The following CTNNA2 variants were observed in gnomAD, a reference collection of about 807,000 sequenced individuals.
CTNNA2 encodes the protein catenin alpha 2, also known as catenin alpha-2.
A neutral mutation model predicts 101.0 loss-of-function variants in CTNNA2; 42 were observed. The observed-to-expected ratio is 0.42, with a 90% CI of 0.32 to 0.54. The LOEUF (loss-of-function observed/expected upper bound fraction) is 0.54. CTNNA2 is among the 20% of genes least tolerant of loss of function. CTNNA2 has a pLI of 0.14. For synonymous variants in CTNNA2, 450 were observed against 456.4 expected, an observed-to-expected ratio of 0.99 and a Z score of 0.18; for missense variants, 871 against 1,223.1, an observed-to-expected ratio of 0.71 and a Z score of 4.29.
At chr2:79,829,743 G>T (rs1021389855) in intron 3 of CTNNA2, among the ~76,000 whole-genome samples, 1 of 143,314 alleles carries the variant, frequency 7.0e-6, no homozygotes. Flanking sequence ...TTTTTGAGAC[G>T]GAGTCTCGCT....
intron 7 of CTNNA2, among the ~76,000 whole-genome samples, chr2:80,115,334 A>G (rs1028657314): frequency 6.6e-6 from 1 of 152,192 alleles, no homozygotes; most frequent in Non-Finnish European, 1.5e-5. Context: ...TTTAACAGAC[A>G]TGGTATACAC....
At chr2:79,987,773 T>C (rs1691870213) in intron 7 of CTNNA2, among the ~76,000 whole-genome samples, 1 of 152,212 alleles carries the variant, frequency 6.6e-6, no homozygotes, top group Non-Finnish European at 1.5e-5. Context: ...GGCTAAAAGC[T>C]ATATGCACCC....
chr2:80,166,163 G>T (rs1317827138), intron 7 of CTNNA2, among the ~76,000 whole-genome samples: 1 of 152,094 alleles, frequency 6.6e-6, no homozygotes, highest in Non-Finnish European at 1.5e-5. Context: ...GGAGTGAGAG[G>T]ATCATGTTTT....
chr2:80,396,972 T>C (rs1246596347), intron 8 of CTNNA2, among the ~76,000 whole-genome samples: 1 of 152,210 alleles, frequency 6.6e-6, no homozygotes, highest in Non-Finnish European at 1.5e-5. Flanking sequence ...TGCATTAGGG[T>C]GAGTACTTAG....
At chr2:79,763,571 T>G (rs76820420) in intron 3 of CTNNA2, among the ~76,000 whole-genome samples, 2,397 of 152,354 alleles carry the variant, frequency 0.016, 49 homozygotes, top group African/African-American at 0.053. Flanking sequence ...ACTAAACTAC[T>G]TATTATTTCT....
chr2:80,534,988 A>C (rs986826635), intron 9 of CTNNA2, among the ~76,000 whole-genome samples: 3 of 152,238 alleles, frequency 2.0e-5, no homozygotes, highest in Non-Finnish European at 4.4e-5. Flanking sequence ...TAATTAAAAA[A>C]TATTGGTTAG....
chr2:80,246,083 C>T (rs1671310320), intron 7 of CTNNA2, among the ~76,000 whole-genome samples: 1 of 152,048 alleles, frequency 6.6e-6, no homozygotes, highest in Non-Finnish European at 1.5e-5. Flanking sequence ...CGAGATCCAC[C>T]ATGCTTGGCC....
At chr2:80,255,968 G>A (rs754882254) in intron 7 of CTNNA2, among the ~76,000 whole-genome samples, 4 of 152,186 alleles carry the variant, frequency 2.6e-5, no homozygotes, top group South Asian at 2.1e-4. Context: ...CTGCTTATGC[G>A]AACTTTTTAA....
At chr2:80,240,898 CT>C (rs1460975256) in intron 7 of CTNNA2, among the ~76,000 whole-genome samples, 2 of 152,046 alleles carry the variant, frequency 1.3e-5, no homozygotes, top group Non-Finnish European at 2.9e-5. Context: ...GGAATTTGCC[CT>C]TTACTTTACA....
At chr2:80,375,619 C>T (rs1009706214) in intron 7 of CTNNA2, among the ~76,000 whole-genome samples, 2 of 131,334 alleles carry the variant, frequency 1.5e-5, no homozygotes, top group African/African-American at 6.2e-5. Context: ...GGCTGGAGTG[C>T]AGTGGCGTGA....
intron 4 of CTNNA2, among the ~76,000 whole-genome samples, chr2:79,399,688 C>T (rs189104857): frequency 6.6e-6 from 1 of 151,644 alleles, no homozygotes; most frequent in African/African-American, 2.4e-5. Flanking sequence ...GTCCAGTTTT[C>T]AATAATAAAG....
At chr2:80,264,376 C>T (rs1672848817) in intron 7 of CTNNA2, among the ~76,000 whole-genome samples, 1 of 152,142 alleles carries the variant, frequency 6.6e-6, no homozygotes, top group Non-Finnish European at 1.5e-5. Flanking sequence ...TCAGACTCAA[C>T]AGTATCAATA....
At chr2:79,506,422 G>A (rs1047719523) in intron 5 of CTNNA2, among the ~76,000 whole-genome samples, 1 of 152,078 alleles carries the variant, frequency 6.6e-6, no homozygotes, top group African/African-American at 2.4e-5. Context: ...CAGAGTGCTG[G>A]GAAGAGCAGT....
At chr2:80,550,968 T>C (rs572275389) in intron 11 of CTNNA2, among the ~76,000 whole-genome samples, 12 of 152,302 alleles carry the variant, frequency 7.9e-5, no homozygotes, top group African/African-American at 1.4e-4. Context: ...AGAATCACTA[T>C]CTATTGCAGC....
intron 4 of CTNNA2, among the ~76,000 whole-genome samples, chr2:79,463,231 G>A (rs1425417951): frequency 1.2e-4 from 19 of 152,002 alleles, no homozygotes; most frequent in Non-Finnish European, 1.5e-5. Flanking sequence ...GGCCAACATG[G>A]TGAAACCCTG....
chr2:79,661,943 A>T (rs960334795), intron 2 of CTNNA2, among the ~76,000 whole-genome samples: 2 of 151,976 alleles, frequency 1.3e-5, no homozygotes, highest in Non-Finnish European at 2.9e-5. Flanking sequence ...GTGGACTGAA[A>T]ATACTGAAAT....
At chr2:80,348,041 G>C (rs937705262) in intron 7 of CTNNA2, among the ~76,000 whole-genome samples, 3 of 152,028 alleles carry the variant, frequency 2.0e-5, no homozygotes, top group African/African-American at 7.2e-5. Flanking sequence ...AGGTACAACA[G>C]AGTTTGAGAG....
chr2:80,313,595 G>A (rs1313929446), intron 7 of CTNNA2: 1 of 1,611,490 alleles, frequency 6.2e-7, no homozygotes, highest in Non-Finnish European at 8.5e-7. Flanking sequence ...CCAGTCAGTA[G>A]GCAAAGTCTG....
At position 80,200,051 on chromosome 2, in the gene CTNNA2, C is replaced by T. The variant is rs138168103; in HGVS notation, c.1057-193160C>T. Among the ~76,000 whole-genome samples the T allele has an allele frequency of 2.5e-4, 38 of 152,306 alleles. No individual in the cohort carries two copies. In the East Asian group the frequency reaches 7.1e-3, roughly 29 times the overall value. On this transcript the variant is annotated intron_variant, in intron 7 of 18. Transcript: ENST00000402739. Reference sequence around the variant, plus strand: ...AGATACTTGGAGACATTTGAAACAACTCGACAGCCAGTTCACTATCCTTGG... The same window carrying T: ...AGATACTTGGAGACATTTGAAACAATTCGACAGCCAGTTCACTATCCTTGG...
Sources: gnomAD v4.1 joint callset for allele counts (sites outside exome capture counted in the v4.1 genomes callset) on GRCh38, gnomAD v4.1.1 for gene constraint, MANE v1.5 for transcripts, NCBI Gene and HGNC (gene_info 2026-07-23, HGNC 2026-07-21) for gene names.